The following IPO11 variants were observed in gnomAD, a reference collection of about 807,000 sequenced individuals.
IPO11 encodes importin-11.
IPO11 carries 66 observed loss-of-function variants against 143.2 expected under a neutral mutation model. The ratio of observed to expected loss-of-function variants is 0.46; its 90% CI spans 0.38 to 0.57. The LOEUF (loss-of-function observed/expected upper bound fraction) is 0.57, where lower values mean the gene tolerates loss of function less well. Ranked by LOEUF, IPO11 falls within the 20% of genes least tolerant of loss-of-function variation. The probability of loss-of-function intolerance (pLI) is 0.00; values close to 1 mark genes in which losing one functional copy is unlikely to be tolerated. For missense variants in IPO11, 1,026 were observed against 1,141.0 expected (o/e 0.90, Z 1.45); for synonymous variants, 385 against 377.8 (o/e 1.02, Z -0.22).
At chr5:62,603,576 A>G (rs1176195231) in intron 29 of IPO11, among the ~76,000 whole-genome samples, 1 of 152,240 alleles carries the variant, frequency 6.6e-6, no homozygotes, top group Non-Finnish European at 1.5e-5. Flanking sequence ...TGGACAGGAC[A>G]CCATTTCCTG....
chr5:62,422,079 C>A (rs949874400), intron 1 of IPO11, among the ~76,000 whole-genome samples: 2 of 152,138 alleles, frequency 1.3e-5, no homozygotes, highest in Non-Finnish European at 2.9e-5. Flanking sequence ...TAATCAAAAT[C>A]AGTTTTATAG....
At chr5:62,562,086 G>C (rs960810103) in intron 27 of IPO11, 5 of 152,196 alleles carry the variant, frequency 3.3e-5, no homozygotes, top group African/African-American at 1.2e-4. Context: ...ATTTCTTTTA[G>C]TGCATGGTCA....
chr5:62,603,438 A>G (rs1374606403), intron 29 of IPO11, among the ~76,000 whole-genome samples: 1 of 110,452 alleles, frequency 9.1e-6, no homozygotes, highest in Non-Finnish European at 1.9e-5. Context: ...CAGCATTTAT[A>G]TGCATTTGTA....
chr5:62,424,063 G>C (rs574934367), intron 1 of IPO11, among the ~76,000 whole-genome samples: 2 of 151,822 alleles, frequency 1.3e-5, no homozygotes, highest in South Asian at 2.1e-4. Flanking sequence ...CTGTTGCCCA[G>C]ACTGGAGTGC....
At chr5:62,517,809 G>A (rs1742077120) in intron 20 of IPO11, among the ~76,000 whole-genome samples, 1 of 152,144 alleles carries the variant, frequency 6.6e-6, no homozygotes, top group African/African-American at 2.4e-5. Context: ...AGTCTCAGGA[G>A]GTCAGAGTAA....
intron 1 of IPO11, among the ~76,000 whole-genome samples, chr5:62,431,729 G>A (rs1474198936): frequency 6.6e-6 from 1 of 151,980 alleles, no homozygotes; most frequent in African/African-American, 2.4e-5. Context: ...ATTACTTGAG[G>A]CCAGGAGTTT....
At chr5:62,454,464 C>G (rs3756479) in intron 5 of IPO11, among the ~76,000 whole-genome samples, 1 of 152,082 alleles carries the variant, frequency 6.6e-6, no homozygotes, top group East Asian at 1.9e-4. Flanking sequence ...AGTTTTAATT[C>G]CTATTTCAAC....
intron 7 of IPO11, among the ~76,000 whole-genome samples, chr5:62,471,227 G>A (rs1249638449): frequency 1.4e-5 from 2 of 147,618 alleles, no homozygotes; most frequent in Admixed American, 6.9e-5. Context: ...GTAAAACATT[G>A]CTTTTTGTAA....
chr5:62,485,341 T>G (rs1387184283), intron 11 of IPO11, 78 bp from the exon 12 acceptor site: 1 of 1,135,570 alleles, frequency 8.8e-7, no homozygotes, highest in African/African-American at 1.5e-5. Context: ...CACAAAAATA[T>G]TATACTGATG....
At chr5:62,461,237 G>C (rs1336054635) in intron 5 of IPO11, among the ~76,000 whole-genome samples, 5 of 152,062 alleles carry the variant, frequency 3.3e-5, no homozygotes, top group African/African-American at 1.2e-4. Context: ...GGAGGTTGGG[G>C]GGATGGGGGG....
At chr5:62,560,498 A>G (rs769444733) in intron 26 of IPO11, among the ~76,000 whole-genome samples, 2 of 152,232 alleles carry the variant, frequency 1.3e-5, no homozygotes, top group Non-Finnish European at 2.9e-5. Flanking sequence ...TGTAAATGTT[A>G]ATCACATCTA....
intron 16 of IPO11, among the ~76,000 whole-genome samples, chr5:62,502,925 C>T (rs1050478134): frequency 2.6e-5 from 4 of 152,186 alleles, no homozygotes; most frequent in Admixed American, 1.3e-4. Context: ...CAGGTTCAAG[C>T]GATCCTGGTG....
rs113994708 is a variant in IPO11, at chr5:62,591,705, C to T, written c.2678+33C>T. The T allele has an allele frequency of 2.4e-3, 3,308 of 1,390,116 alleles. 67 individuals are homozygous for T. The African/African-American group carries it at 0.041, about 17-fold the overall frequency. The allele number at this position is 1,390,116 out of a possible 1,614,324, so 86.1% of individuals were successfully genotyped here. A position where few individuals can be genotyped will look rare whatever the true frequency, so the allele number is the denominator to read the frequency against. ...CATTATTTAATTAATCATAATTGGA[C>T]TTGGGGGATAATTAAATACATGCTG... is the stretch of plus-strand genomic sequence containing the variant. On this transcript the variant is annotated intron_variant, in intron 28 of 29. Coordinates refer to ENST00000325324, the MANE Select transcript of IPO11 (RefSeq NM_016338.5).
At chr5:62,570,125 G>A (rs983641890) in intron 27 of IPO11, among the ~76,000 whole-genome samples, 9 of 151,732 alleles carry the variant, frequency 5.9e-5, no homozygotes, top group Non-Finnish European at 8.8e-5. Flanking sequence ...GGGTGTAGAC[G>A]TGTTAGAACA....
At chr5:62,511,432 T>C (rs1237061828) in intron 19 of IPO11, among the ~76,000 whole-genome samples, 1 of 152,168 alleles carries the variant, frequency 6.6e-6, no homozygotes, top group Non-Finnish European at 1.5e-5. Flanking sequence ...AATATTATAA[T>C]CAAATTTTGA....
At chr5:62,522,953 C>A (rs956957232) in intron 20 of IPO11, among the ~76,000 whole-genome samples, 1 of 152,222 alleles carries the variant, frequency 6.6e-6, no homozygotes, top group Non-Finnish European at 1.5e-5. Flanking sequence ...CCTCTGTCCC[C>A]TAAATGCAGG....
intron 28 of IPO11, among the ~76,000 whole-genome samples, chr5:62,598,330 A>G (rs1483882826): frequency 6.6e-5 from 10 of 151,928 alleles, no homozygotes; most frequent in Admixed American, 5.9e-4. Flanking sequence ...ACAGAGACCA[A>G]CTGAACAATG....
chr5:62,529,521 A>G (rs1057118026), intron 21 of IPO11, among the ~76,000 whole-genome samples: 1 of 152,116 alleles, frequency 6.6e-6, no homozygotes, highest in Non-Finnish European at 1.5e-5. Context: ...TCTATGATCT[A>G]CATTTTGTGA....
At chr5:62,563,136 A>G (rs186619620) in intron 27 of IPO11, among the ~76,000 whole-genome samples, 26 of 152,276 alleles carry the variant, frequency 1.7e-4, no homozygotes, top group African/African-American at 6.0e-4. Flanking sequence ...CATCTTATTT[A>G]TTTTTGAAAG....
Sources: allele counts gnomAD v4.1 joint callset (sites outside exome capture counted in the v4.1 genomes callset), GRCh38; gene constraint gnomAD v4.1.1; transcripts MANE v1.5; gene names NCBI Gene and HGNC (gene_info 2026-07-23, HGNC 2026-07-21).